GRIP2: variants seen among roughly 807,000 people sequenced by gnomAD.
GRIP2 encodes the protein glutamate receptor interacting protein 2, also known as glutamate receptor-interacting protein 2.
GRIP2 carries 58 observed loss-of-function variants against 108.3 expected under a neutral mutation model. That is an observed-to-expected ratio of 0.54 (90% CI 0.43 to 0.67). The LOEUF is 0.67. Among genes scored for constraint, GRIP2 ranks in the 30% least tolerant of loss-of-function variants. GRIP2 has a pLI of 0.00. For missense variants in GRIP2, 1,278 were observed against 1,430.6 expected (o/e 0.89, Z 1.72); for synonymous variants, 586 against 598.2 (o/e 0.98, Z 0.30).
At chr3:14,532,932 G>T (rs961910224) in intron 1 of GRIP2, among the ~76,000 whole-genome samples, 1 of 152,246 alleles carries the variant, frequency 6.6e-6, no homozygotes, top group Non-Finnish European at 1.5e-5. Context: ...TGTAACCATT[G>T]AGAAAGGTCC....
At chr3:14,527,521 C>G (rs1198549524) in intron 1 of GRIP2, among the ~76,000 whole-genome samples, 2 of 151,916 alleles carry the variant, frequency 1.3e-5, no homozygotes, top group African/African-American at 4.8e-5. Flanking sequence ...AAGGAAACAC[C>G]CTGGGGGTGG....
chr3:14,491,068 A>G lies in GRIP2; in HGVS notation c.*2597T>C, dbSNP rs1438312361. 3 of 152,362 alleles carry G rather than the reference A, an allele frequency of 2.0e-5. No homozygotes were observed. Among genetic ancestry groups the G allele is most frequent in the Non-Finnish European group, 4.4e-5 (3 of 68,040 alleles). 9.4% of individuals were successfully genotyped at this position (152,362 alleles called of 1,614,324 possible). ...TGGAAGCAAATGGCAAACTTTTTGA[A>G]TTAATGAATCATCAAAAGCAGGTGA... On this transcript the variant is annotated 3_prime_UTR_variant, in exon 24 of 24. Coordinates refer to ENST00000621039, the MANE Select transcript of GRIP2 (RefSeq NM_001080423.4).
At chr3:14,564,710 T>C in the GRIP2 span, among the ~76,000 whole-genome samples, 1 of 152,154 alleles carries the variant, frequency 6.6e-6, no homozygotes, top group Non-Finnish European at 1.5e-5. Context: ...GAAAGATGAA[T>C]CACGTTAATG....
the GRIP2 span, among the ~76,000 whole-genome samples, chr3:14,597,793 G>A: frequency 6.6e-6 from 1 of 152,126 alleles, no homozygotes; most frequent in Non-Finnish European, 1.5e-5. Flanking sequence ...TGGGGTGGGG[G>A]TTGCGGGGGG....
chr3:14,523,809 G>A, intron 4 of GRIP2, 111 bp from the exon 5 acceptor site: 1 of 764,462 alleles, frequency 1.3e-6, no homozygotes, highest in Non-Finnish European at 2.3e-6. Context: ...GAGATTACAG[G>A]GAGGGTAAAC....
chr3:14,570,606 A>G, the GRIP2 span, among the ~76,000 whole-genome samples: 1 of 152,214 alleles, frequency 6.6e-6, no homozygotes, highest in South Asian at 2.1e-4. Context: ...CATTGCCACA[A>G]TATCTAAGTG....
rs573296595 is a variant in GRIP2 at position 14,539,812 on chromosome 3, G to A, written c.40+457C>T. The stretch of plus-strand genomic sequence containing the variant: ...CCAAACCAGAGTTTCTCCTCCTGCC[G>A]AGAACCAGTCTCCTGCCCAGCTGTG... On this transcript the variant is annotated intron_variant, in intron 1 of 23. Transcript: ENST00000621039. Among the ~76,000 whole-genome samples, 35 of 152,202 alleles carry A rather than the reference G, an allele frequency of 2.3e-4. No individual in the cohort carries two copies. In the South Asian group the frequency reaches 2.7e-3, roughly 12 times the overall value.
At chr3:14,494,340 G>A (rs1693513379) in intron 23 of GRIP2, among the ~76,000 whole-genome samples, 2 of 152,218 alleles carry the variant, frequency 1.3e-5, no homozygotes, top group South Asian at 4.1e-4. Context: ...CACACTGAGG[G>A]AGCAAAAATA....
intron 1 of GRIP2, among the ~76,000 whole-genome samples, chr3:14,529,921 GCCAAAGTATCATTA>G (rs1694664979): frequency 6.6e-6 from 1 of 152,162 alleles, no homozygotes; most frequent in Non-Finnish European, 1.5e-5. Flanking sequence ...CTGGGTGCTT[GCCAAAGTATCATTA>G]CCCTGATATC....
intron 1 of GRIP2, among the ~76,000 whole-genome samples, chr3:14,553,372 A>G (rs1446909160): frequency 6.6e-6 from 1 of 151,842 alleles, no homozygotes; most frequent in Non-Finnish European, 1.5e-5. Context: ...CGGTCTCCCA[A>G]AGTGCTGGGA....
chr3:14,544,092 C>T (rs907712138), upstream of GRIP2, among the ~76,000 whole-genome samples: 4 of 152,218 alleles, frequency 2.6e-5, no homozygotes, highest in African/African-American at 7.2e-5. Flanking sequence ...TGCCCAGGTT[C>T]GAATCCCAGC....
At chr3:14,510,337 A>G (rs914616028) in intron 16 of GRIP2, among the ~76,000 whole-genome samples, 10 of 140,446 alleles carry the variant, frequency 7.1e-5, no homozygotes. Context: ...ATCTCAGTTC[A>G]CTGCCATACC....
chr3:14,516,475 C>T (rs1307344223), intron 11 of GRIP2, among the ~76,000 whole-genome samples: 3 of 152,226 alleles, frequency 2.0e-5, no homozygotes, highest in Non-Finnish European at 4.4e-5. Context: ...TTGCCACTTC[C>T]ACAGGGCTCC....
At chr3:14,581,217 C>T in the GRIP2 span, among the ~76,000 whole-genome samples, 1 of 152,208 alleles carries the variant, frequency 6.6e-6, no homozygotes, top group Non-Finnish European at 1.5e-5. Context: ...GAGCCCCACC[C>T]TCCTCATCCA....
intron 4 of GRIP2, chr3:14,524,054 C>T (rs1014167760): frequency 1.8e-5 from 9 of 489,274 alleles, no homozygotes; most frequent in Non-Finnish European, 3.3e-5. Flanking sequence ...TGAAACCCTA[C>T]ACCACCGTTA....
At chr3:14,588,164 C>A in the GRIP2 span, among the ~76,000 whole-genome samples, 1 of 152,198 alleles carries the variant, frequency 6.6e-6, no homozygotes, top group Non-Finnish European at 1.5e-5. Flanking sequence ...TCCTGGAGGG[C>A]AGAGTTCACT....
chr3:14,524,705 C>G (rs755977192), intron 3 of GRIP2, among the ~76,000 whole-genome samples, 167 bp from the exon 4 acceptor site: 7 of 152,142 alleles, frequency 4.6e-5, no homozygotes, highest in Admixed American at 3.9e-4. Flanking sequence ...TCACACAGCA[C>G]GTAAGAGAGT....
chr3:14,534,840 G>A (rs1020737090), intron 1 of GRIP2, among the ~76,000 whole-genome samples: 1 of 152,102 alleles, frequency 6.6e-6, no homozygotes, highest in South Asian at 2.1e-4. Context: ...GGCCTCAGGG[G>A]GCTATTGAGC....
At chr3:14,538,240 T>C (rs921873793) in intron 1 of GRIP2, among the ~76,000 whole-genome samples, 2 of 152,154 alleles carry the variant, frequency 1.3e-5, no homozygotes, top group African/African-American at 4.8e-5. Context: ...TGGAGGTATA[T>C]GGCTGTCCTT....
Sources: gnomAD v4.1 joint callset for allele counts (sites outside exome capture counted in the v4.1 genomes callset) on GRCh38, gnomAD v4.1.1 for gene constraint, MANE v1.5 for transcripts, NCBI Gene and HGNC (gene_info 2026-07-23, HGNC 2026-07-21) for gene names.